The following HORMAD2 variants were observed in gnomAD, a reference collection of about 807,000 sequenced individuals.
HORMAD2 encodes HORMA domain containing 2, also known as HORMA domain-containing protein 2.
In HORMAD2, 45 loss-of-function variants were observed where a neutral mutation model predicts 38.8. The ratio of observed to expected loss-of-function variants is 1.16; its 90% confidence interval spans 0.91 to 1.49. The LOEUF is 1.49. Among genes scored for constraint, HORMAD2 ranks in the 40% most tolerant of loss-of-function variants. HORMAD2 has a pLI of 0.00. For synonymous variants in HORMAD2, 126 were observed against 122.8 expected (o/e 1.03, Z -0.17); for missense variants, 338 against 367.0 (o/e 0.92, Z 0.65).
intron 10 of HORMAD2, among the ~76,000 whole-genome samples, chr22:30,154,941 G>A (rs9625931): frequency 0.21 from 31,929 of 151,948 alleles, 3,864 homozygotes; most frequent in Middle Eastern, 0.39. Context: ...GTGGTGGCAC[G>A]TGTCTGTAGT....
intron 10 of HORMAD2, among the ~76,000 whole-genome samples, chr22:30,173,220 T>C (rs1926226576): frequency 6.6e-6 from 1 of 152,208 alleles, no homozygotes; most frequent in African/African-American, 2.4e-5. Context: ...GACTTTATTC[T>C]GAGGTCCATG....
intron 5 of HORMAD2, among the ~76,000 whole-genome samples, chr22:30,106,291 A>G (rs1921189867): frequency 6.6e-6 from 1 of 152,190 alleles, no homozygotes; most frequent in Non-Finnish European, 1.5e-5. Context: ...GATTACAGGC[A>G]TGAACCACTT....
At chr22:30,151,368 A>G (rs558670167) in intron 10 of HORMAD2, among the ~76,000 whole-genome samples, 1 of 152,346 alleles carries the variant, frequency 6.6e-6, no homozygotes, top group South Asian at 2.1e-4. Flanking sequence ...TTATAAAAAC[A>G]TAAATATGTC....
At chr22:30,083,560 C>G (rs1045275419) in intron 1 of HORMAD2, among the ~76,000 whole-genome samples, 1 of 152,130 alleles carries the variant, frequency 6.6e-6, no homozygotes, top group African/African-American at 2.4e-5. Flanking sequence ...AAGACCTCCA[C>G]AAAACACCTG....
the HORMAD2 span, among the ~76,000 whole-genome samples, chr22:30,196,914 A>G: frequency 2.0e-5 from 3 of 152,232 alleles, no homozygotes; most frequent in Non-Finnish European, 4.4e-5. Context: ...TTAATAGGAC[A>G]GGAAGTTTAC....
At chr22:30,107,190 C>G (rs1326048077) in intron 5 of HORMAD2, among the ~76,000 whole-genome samples, 1 of 152,068 alleles carries the variant, frequency 6.6e-6, no homozygotes, top group Non-Finnish European at 1.5e-5. Flanking sequence ...AGGGTCACTT[C>G]TTAAATAAAA....
chr22:30,093,590 T>A (rs1236910157), intron 1 of HORMAD2, among the ~76,000 whole-genome samples: 1 of 152,172 alleles, frequency 6.6e-6, no homozygotes, highest in East Asian at 1.9e-4. Context: ...ATTAAACTTA[T>A]TTCCCAATGA....
intron 7 of HORMAD2, among the ~76,000 whole-genome samples, chr22:30,113,949 T>C (rs1419706570): frequency 1.3e-5 from 2 of 152,192 alleles, no homozygotes; most frequent in Non-Finnish European, 2.9e-5. Flanking sequence ...CACTGTAAGT[T>C]TGAAGGGAAG....
rs1275593729 is a variant in HORMAD2, at chr22:30,157,475, C to T, written c.820-18588C>T. On this transcript the variant is annotated intron_variant, in intron 10 of 10. Coordinates refer to ENST00000336726, the MANE Select transcript of HORMAD2 (RefSeq NM_152510.4). Reference sequence around the variant, plus strand: ...TTTTTTTTTTTAACAGTGATGGAAACTTGCAAGTTGGTGATGGAACCCAGC... The same window carrying T: ...TTTTTTTTTTTAACAGTGATGGAAATTTGCAAGTTGGTGATGGAACCCAGC... 4.7e-5 allele frequency among the ~76,000 whole-genome samples: 7 copies of T among 149,764 alleles called. No individual in the cohort carries two copies. In the South Asian group the frequency reaches 8.4e-4, roughly 18 times the overall value.
chr22:30,089,153 CTT>C (rs2068636044), intron 1 of HORMAD2, among the ~76,000 whole-genome samples: 1 of 152,114 alleles, frequency 6.6e-6, no homozygotes, highest in Non-Finnish European at 1.5e-5. Context: ...ATTCTGCCCT[CTT>C]GGGAAAAATC....
intron 10 of HORMAD2, among the ~76,000 whole-genome samples, chr22:30,153,081 C>G (rs1056816733): frequency 3.3e-5 from 5 of 152,006 alleles, no homozygotes; most frequent in South Asian, 4.1e-4. Context: ...AGTTTCCCCC[C>G]ATCTCAGCAC....
At chr22:30,099,871 G>A (rs1920931386) in intron 3 of HORMAD2, among the ~76,000 whole-genome samples, 1 of 152,098 alleles carries the variant, frequency 6.6e-6, no homozygotes, top group Admixed American at 6.6e-5. Context: ...TGGGTGACAA[G>A]AGCAAAACTT....
chr22:30,107,025 C>A (rs900401035), intron 5 of HORMAD2, among the ~76,000 whole-genome samples: 3 of 152,178 alleles, frequency 2.0e-5, no homozygotes, highest in Non-Finnish European at 4.4e-5. Flanking sequence ...ATGGTTAGAA[C>A]AATGCCTGGC....
chr22:30,103,788 G>A lies in HORMAD2; in HGVS notation c.257+288G>A, dbSNP rs529937907. The stretch of plus-strand genomic sequence containing the variant: ...AGTGATTCTCCGCCTCAGCCTCCCG[G>A]GTAGCTGGGACTACAGGTGCATGCC... On this transcript the variant is annotated intron_variant, in intron 4 of 10. Transcript: ENST00000336726. Among the ~76,000 whole-genome samples, 255 of 148,098 alleles carry A rather than the reference G, an allele frequency of 1.7e-3. 1 individual carries two copies. The highest frequency in any genetic ancestry group is 2.9e-3 in the Non-Finnish European group (193 of 67,292).
At chr22:30,125,849 C>T (rs2146139451) in intron 10 of HORMAD2, among the ~76,000 whole-genome samples, 1 of 152,214 alleles carries the variant, frequency 6.6e-6, no homozygotes, top group Non-Finnish European at 1.5e-5. Context: ...ACAAACTGAA[C>T]ACTAGAGCTG....
intron 10 of HORMAD2, among the ~76,000 whole-genome samples, chr22:30,130,839 C>T (rs1923233020): frequency 6.6e-6 from 1 of 152,020 alleles, no homozygotes; most frequent in Admixed American, 6.6e-5. Context: ...AACCCACCCG[C>T]CTCTGCCTCC....
At chr22:30,121,341 G>A (rs77134757) in intron 8 of HORMAD2, among the ~76,000 whole-genome samples, 6,911 of 152,196 alleles carry the variant, frequency 0.045, 521 homozygotes, top group African/African-American at 0.16. Flanking sequence ...TAGATGCCAG[G>A]TCACCTAATT....
chr22:30,154,724 A>AT (rs1433787847), intron 10 of HORMAD2, among the ~76,000 whole-genome samples: 1 of 152,098 alleles, frequency 6.6e-6, no homozygotes, highest in Non-Finnish European at 1.5e-5. Flanking sequence ...TTCAATTTGC[A>AT]TTTGTCTGAT....
intron 1 of HORMAD2, among the ~76,000 whole-genome samples, chr22:30,092,830 C>T: frequency 6.6e-6 from 1 of 152,074 alleles, no homozygotes; most frequent in Non-Finnish European, 1.5e-5. Flanking sequence ...GTTCTCTATT[C>T]TGTTCCATTG....
Sources: allele counts gnomAD v4.1 joint callset (sites outside exome capture counted in the v4.1 genomes callset), GRCh38; gene constraint gnomAD v4.1.1; transcripts MANE v1.5; gene names NCBI Gene and HGNC (gene_info 2026-07-23, HGNC 2026-07-21).